Variants in IL1RAPL2 observed in about 807,000 individuals in gnomAD.
IL1RAPL2 encodes the protein X-linked interleukin-1 receptor accessory protein-like 2.
IL1RAPL2 carries 3 observed loss-of-function variants against 44.1 expected under a neutral mutation model. That is an observed-to-expected ratio of 0.07 (90% CI 0.03 to 0.18). IL1RAPL2 has a LOEUF of 0.18. Ranked by LOEUF, IL1RAPL2 falls within the 10% of genes least tolerant of loss-of-function variation. The pLI, the probability that IL1RAPL2 is intolerant of heterozygous loss-of-function variation, is 1.00. For synonymous variants in IL1RAPL2, 181 were observed against 178.8 expected (o/e 1.01, Z -0.10); for missense variants, 391 against 496.4 (o/e 0.79, Z 2.02).
intron 4 of IL1RAPL2, among the ~76,000 whole-genome samples, chrX:105,251,368 T>C (rs1180376395): frequency 1.8e-5 from 2 of 110,515 alleles, no homozygotes; most frequent in East Asian, 5.7e-4. Flanking sequence ...AATTAATCTG[T>C]GCCTTCTGTC....
At chrX:105,220,562 T>C in intron 3 of IL1RAPL2, 1 of 469,819 alleles carries the variant, frequency 2.1e-6, no homozygotes, top group Non-Finnish European at 3.4e-6. Flanking sequence ...GACCGGCTTG[T>C]CCTACCCTAG....
intron 2 of IL1RAPL2, among the ~76,000 whole-genome samples, chrX:105,185,595 G>A (rs1167102956): frequency 1.8e-5 from 2 of 111,282 alleles, no homozygotes; most frequent in East Asian, 5.6e-4. Context: ...TCTTGTTAAT[G>A]AGGCAGAGGT....
intron 1 of IL1RAPL2, among the ~76,000 whole-genome samples, chrX:104,609,730 T>C (rs1301156988): frequency 8.9e-6 from 1 of 112,088 alleles, no homozygotes; most frequent in East Asian, 2.8e-4. Flanking sequence ...CTACACTGGT[T>C]ATTCTAGTTA....
chrX:104,811,412 G>A (rs1932977744), intron 2 of IL1RAPL2, among the ~76,000 whole-genome samples: 1 of 111,583 alleles, frequency 9.0e-6, no homozygotes, highest in Non-Finnish European at 1.9e-5. Flanking sequence ...GAGGATGGAG[G>A]CATTGAGATA....
intron 5 of IL1RAPL2, among the ~76,000 whole-genome samples, chrX:105,345,208 A>G (rs1410685077): frequency 8.9e-6 from 1 of 111,879 alleles, no homozygotes; most frequent in Non-Finnish European, 1.9e-5. Flanking sequence ...AATGCCCTTT[A>G]TCATAATCAC....
intron 5 of IL1RAPL2, among the ~76,000 whole-genome samples, chrX:105,460,014 A>T (rs1183357457): frequency 9.0e-6 from 1 of 111,516 alleles, no homozygotes; most frequent in African/African-American, 3.3e-5. Context: ...TCCTCCTGGA[A>T]TATTAAATAA....
At chrX:105,078,803 G>A (rs1209266490) in intron 2 of IL1RAPL2, among the ~76,000 whole-genome samples, 2 of 112,556 alleles carry the variant, frequency 1.8e-5, no homozygotes, top group African/African-American at 3.2e-5. Flanking sequence ...CAATGAGCGA[G>A]GCTCCATGGG....
chrX:104,886,094 G>T (rs1923235459), intron 2 of IL1RAPL2, among the ~76,000 whole-genome samples: 2 of 113,086 alleles, frequency 1.8e-5, no homozygotes, highest in South Asian at 3.6e-4. Flanking sequence ...TGTCCTCAAG[G>T]TCTGTTACCA....
At chrX:105,036,611 A>G (rs1306517500) in intron 2 of IL1RAPL2, among the ~76,000 whole-genome samples, 1 of 112,266 alleles carries the variant, frequency 8.9e-6, no homozygotes, top group African/African-American at 3.2e-5. Context: ...GTTTCCACAT[A>G]AGGTTTTTAG....
At chrX:105,480,309 A>G (rs1235261042) in intron 5 of IL1RAPL2, among the ~76,000 whole-genome samples, 1 of 112,414 alleles carries the variant, frequency 8.9e-6, no homozygotes, top group Non-Finnish European at 1.9e-5. Flanking sequence ...ATGGAAAAGA[A>G]CAAGTTATTT....
At chrX:104,904,499 G>T (rs1345816521) in intron 2 of IL1RAPL2, among the ~76,000 whole-genome samples, 3 of 84,562 alleles carry the variant, frequency 3.5e-5, no homozygotes, top group African/African-American at 4.7e-5. Context: ...TCCCCTTCCT[G>T]TGTCCATGTG....
At chrX:104,906,638 G>A (rs1406784310) in intron 2 of IL1RAPL2, among the ~76,000 whole-genome samples, 1 of 111,871 alleles carries the variant, frequency 8.9e-6, no homozygotes, top group Non-Finnish European at 1.9e-5. Context: ...AACCAGCCTT[G>A]CATCCCAGGG....
intron 2 of IL1RAPL2, among the ~76,000 whole-genome samples, chrX:104,961,944 T>G (rs757662454): frequency 7.1e-5 from 8 of 112,446 alleles, no homozygotes; most frequent in African/African-American, 2.6e-4. Flanking sequence ...ACCACTGGCC[T>G]CCTGGAGAGT....
At chrX:105,446,736 A>G (rs1324282884) in intron 5 of IL1RAPL2, among the ~76,000 whole-genome samples, 2 of 109,297 alleles carry the variant, frequency 1.8e-5, no homozygotes, top group Non-Finnish European at 3.8e-5. Flanking sequence ...TTTATGTCTT[A>G]TTGTTCTATA....
intron 2 of IL1RAPL2, among the ~76,000 whole-genome samples, chrX:104,745,253 C>G (rs1231465758): frequency 2.7e-5 from 3 of 110,869 alleles, no homozygotes; most frequent in Non-Finnish European, 5.7e-5. Context: ...ATCTCTAGCT[C>G]TCTCCCCTTT....
chrX:105,111,383 A>G (rs1171472428), intron 2 of IL1RAPL2, among the ~76,000 whole-genome samples: 2 of 111,498 alleles, frequency 1.8e-5, no homozygotes, highest in African/African-American at 6.5e-5. Flanking sequence ...GTTTGCAACA[A>G]CTTTTCCCCA....
intron 6 of IL1RAPL2, among the ~76,000 whole-genome samples, chrX:105,560,408 G>C (rs2036926903): frequency 9.0e-6 from 1 of 111,102 alleles, no homozygotes; most frequent in African/African-American, 3.3e-5. Flanking sequence ...TTTCATGTAG[G>C]GTTTTTATTT....
At chrX:105,538,366 T>C (rs1354323151) in intron 6 of IL1RAPL2, among the ~76,000 whole-genome samples, 1 of 109,846 alleles carries the variant, frequency 9.1e-6, no homozygotes, top group Admixed American at 9.7e-5. Context: ...ATCATTCCCA[T>C]CAACATTAAC....
At chrX:104,618,536 G>A (rs1929322960) in intron 1 of IL1RAPL2, among the ~76,000 whole-genome samples, 1 of 111,686 alleles carries the variant, frequency 9.0e-6, no homozygotes, top group African/African-American at 3.3e-5. Context: ...CCAGAGGAAT[G>A]GGTGCTCCAG....
Sources: gnomAD v4.1 joint callset for allele counts (sites outside exome capture counted in the v4.1 genomes callset) on GRCh38, gnomAD v4.1.1 for gene constraint, MANE v1.5 for transcripts, NCBI Gene and HGNC (gene_info 2026-07-23, HGNC 2026-07-21) for gene names.